The following NAV3 variants were observed in gnomAD, a reference collection of about 807,000 sequenced individuals.
The protein encoded by NAV3 is pore membrane and/or filament interacting like protein 1.
NAV3 carries 87 observed loss-of-function variants against 244.7 expected under a neutral mutation model. The ratio of observed to expected loss-of-function variants is 0.36; its 90% confidence interval spans 0.30 to 0.42. The LOEUF (loss-of-function observed/expected upper bound fraction) is 0.42, where lower values mean the gene tolerates loss of function less well. Among genes scored for constraint, NAV3 ranks in the 20% least tolerant of loss-of-function variants. The pLI is 1.00. For synonymous variants in NAV3, 1,126 were observed against 1,042.2 expected (o/e 1.08, Z -1.55); for missense variants, 2,663 against 2,893.3 (o/e 0.92, Z 1.83).
At chr12:77,906,459 A>G (rs751325064) in intron 1 of NAV3, among the ~76,000 whole-genome samples, 5 of 152,126 alleles carry the variant, frequency 3.3e-5, no homozygotes, top group Admixed American at 1.3e-4. Flanking sequence ...CAATCAGTAT[A>G]AAAAACACAC....
chr12:77,624,890 A>G (rs1871546609), intron 2 of NAV3, among the ~76,000 whole-genome samples: 2 of 152,110 alleles, frequency 1.3e-5, no homozygotes, highest in Admixed American at 6.5e-5. Flanking sequence ...TTTGCCTTCC[A>G]TAGGTTTATA....
intron 1 of NAV3, among the ~76,000 whole-genome samples, chr12:77,896,513 A>G (rs994105141): frequency 2.0e-5 from 3 of 152,210 alleles, no homozygotes; most frequent in African/African-American, 2.4e-5. Context: ...GATGTGGAAA[A>G]AAGTATAGAA....
intron 2 of NAV3, among the ~76,000 whole-genome samples, chr12:77,677,492 T>G (rs1212752322): frequency 6.6e-6 from 1 of 152,228 alleles, no homozygotes. Context: ...ATTCATTTTG[T>G]GCCAGCCCAG....
At chr12:77,833,611 G>T (rs550283596) in intron 1 of NAV3, among the ~76,000 whole-genome samples, 3 of 152,190 alleles carry the variant, frequency 2.0e-5, no homozygotes, top group Non-Finnish European at 4.4e-5. Context: ...TTTTAGTTTT[G>T]CAGTATGAAG....
rs139138019 is a variant in NAV3, at chr12:78,051,190, G to T, written c.2516+43G>T. 149 of 1,565,562 alleles carry T rather than the reference G, an allele frequency of 9.5e-5. No individual in the cohort carries two copies. The African/African-American group carries it at 1.9e-3, about 20-fold the overall frequency. The stretch of plus-strand genomic sequence containing the variant: ...CCGTCAGCATTGTGTGAAGAGGGGA[G>T]GTGGTCTACTATAATGCATTCACTA... On this transcript the variant is annotated intron_variant, in intron 11 of 39. Transcript: ENST00000397909.
At chr12:78,011,142 A>AT (rs1875200950) in intron 8 of NAV3, among the ~76,000 whole-genome samples, 1 of 152,186 alleles carries the variant, frequency 6.6e-6, no homozygotes, top group East Asian at 1.9e-4. Context: ...GAAGTTCCTG[A>AT]TAACTAGAGC....
At chr12:77,950,126 A>G (rs1890735882) in intron 3 of NAV3, among the ~76,000 whole-genome samples, 1 of 152,090 alleles carries the variant, frequency 6.6e-6, no homozygotes, top group African/African-American at 2.4e-5. Context: ...ATACATTTCC[A>G]TGGGTAGATT....
chr12:77,738,972 A>G (rs1489917957), intron 2 of NAV3, among the ~76,000 whole-genome samples: 3 of 131,930 alleles, frequency 2.3e-5, no homozygotes, highest in African/African-American at 8.4e-5. Flanking sequence ...AGATCGCGCT[A>G]CTGCACTCCA....
At chr12:77,696,897 A>T (rs927011274) in intron 2 of NAV3, among the ~76,000 whole-genome samples, 4 of 152,124 alleles carry the variant, frequency 2.6e-5, no homozygotes, top group Admixed American at 2.6e-4. Context: ...AATTATTTCC[A>T]TCTACTGCCA....
Position 77,714,764 on chromosome 12 carries a change from AT to A in NAV3, c.72+142501del, listed in dbSNP as rs1322681380. Among the ~76,000 whole-genome samples the A allele has an allele frequency of 3.3e-5, 5 of 152,264 alleles. No homozygotes were observed. The South Asian group carries it at 6.2e-4, about 19-fold the overall frequency. Reference sequence around the variant, plus strand: ...TTCCTGGAAGGAAATTTGCAAAGACATTTAATCTATTCCTTTTATACAGTAT... The same window carrying A: ...TTCCTGGAAGGAAATTTGCAAAGACATTAATCTATTCCTTTTATACAGTAT... On this transcript the variant is annotated intron_variant, in intron 2 of 8. Transcript: ENST00000550042.
chr12:77,656,141 C>T (rs1267354799), intron 2 of NAV3, among the ~76,000 whole-genome samples: 3 of 150,216 alleles, frequency 2.0e-5, no homozygotes, highest in South Asian at 4.2e-4. Context: ...CTAAATGCTC[C>T]AATTAAAAGA....
At chr12:78,175,564 C>A in intron 25 of NAV3, 137 bp downstream of exon 25, 1 of 1,096,136 alleles carries the variant, frequency 9.1e-7, no homozygotes, top group Admixed American at 2.5e-5. Flanking sequence ...ATGCTGCACT[C>A]ATCACCAAAA....
At chr12:78,108,682 G>A (rs1954931011) in intron 12 of NAV3, among the ~76,000 whole-genome samples, 1 of 152,004 alleles carries the variant, frequency 6.6e-6, no homozygotes, top group African/African-American at 2.4e-5. Context: ...AATACATGCA[G>A]ATTAAACAAC....
At chr12:77,580,880 G>A (rs76519564) in intron 2 of NAV3, among the ~76,000 whole-genome samples, 27,805 of 152,118 alleles carry the variant, frequency 0.18, 2,861 homozygotes, top group Admixed American at 0.25. Flanking sequence ...CAACTTTTCT[G>A]TATATTTGAT....
intron 1 of NAV3, among the ~76,000 whole-genome samples, chr12:77,873,744 G>GTGTGTGTGTGTATA (rs776225440): frequency 2.3e-4 from 17 of 73,182 alleles, no homozygotes; most frequent in South Asian, 6.5e-4. Context: ...ATGTGTGTGT[G>GTGTGTGTGTGTATA]TATATATATA....
chr12:78,160,680 AG>A, intron 23 of NAV3, among the ~76,000 whole-genome samples: 1 of 152,274 alleles, frequency 6.6e-6, no homozygotes, highest in East Asian at 1.9e-4. Context: ...TGAAATCAAA[AG>A]AGTAAATCGA....
chr12:77,952,393 T>G (rs1440391042), intron 3 of NAV3, among the ~76,000 whole-genome samples: 1 of 152,184 alleles, frequency 6.6e-6, no homozygotes, highest in Admixed American at 6.6e-5. Context: ...CTTCAACAGA[T>G]ATCAATTGAC....
At chr12:77,843,833 T>TA (rs5799347) in intron 1 of NAV3, among the ~76,000 whole-genome samples, 103 of 146,564 alleles carry the variant, frequency 7.0e-4, no homozygotes, top group African/African-American at 1.6e-3. Flanking sequence ...CTGTCTTGTT[T>TA]AAAAAAAAAA....
intron 1 of NAV3, among the ~76,000 whole-genome samples, chr12:77,934,227 G>C (rs1482521428): frequency 1.3e-5 from 2 of 152,054 alleles, no homozygotes; most frequent in African/African-American, 4.8e-5. Flanking sequence ...TGTCTGATGA[G>C]TGCCCGAAGG....
Sources: allele counts gnomAD v4.1 joint callset (sites outside exome capture counted in the v4.1 genomes callset), GRCh38; gene constraint gnomAD v4.1.1; transcripts MANE v1.5; gene names NCBI Gene and HGNC (gene_info 2026-07-23, HGNC 2026-07-21).